The following HYDIN variants were observed in gnomAD, a reference collection of about 807,000 sequenced individuals.
The protein encoded by HYDIN is HYDIN axonemal central pair apparatus protein, also known as axonemal central pair apparatus protein HYDIN.
In HYDIN, 132 loss-of-function variants were observed where a neutral mutation model predicts 403.9. The observed-to-expected ratio is 0.33, with a 90% CI of 0.28 to 0.38. The LOEUF is 0.38. Ranked by LOEUF, HYDIN falls within the 10% of genes least tolerant of loss-of-function variation. HYDIN has a pLI of 1.00. For missense variants in HYDIN, 2,827 were observed against 5,009.5 expected (o/e 0.56, Z 13.15); for synonymous variants, 1,202 against 1,891.7 (o/e 0.64, Z 9.46).
intron 84 of HYDIN, among the ~76,000 whole-genome samples, chr16:70,816,189 AC>A (rs1183096734): frequency 2.0e-5 from 3 of 152,294 alleles, no homozygotes; most frequent in African/African-American, 7.2e-5. Flanking sequence ...AAACCACCCC[AC>A]AAAACCACAC....
At chr16:70,951,312 A>T (rs1268387571) in intron 41 of HYDIN, among the ~76,000 whole-genome samples, 2 of 151,344 alleles carry the variant, frequency 1.3e-5, no homozygotes, top group Non-Finnish European at 2.9e-5. Context: ...GAGAAACTTC[A>T]CAACTATGAA....
chr16:70,883,003 A>G, intron 59 of HYDIN, 108 bp from the exon 60 acceptor site: 3 of 878,324 alleles, frequency 3.4e-6, no homozygotes, highest in South Asian at 3.0e-5. Context: ...TGTGGAGGAC[A>G]CATAGGCGAA....
chr16:71,161,119 G>C (rs976093124), intron 6 of HYDIN, among the ~76,000 whole-genome samples: 3 of 139,088 alleles, frequency 2.2e-5, no homozygotes, highest in African/African-American at 8.2e-5. Context: ...CCCTGAGCTT[G>C]TTTTCCTGCA....
At chr16:71,219,034 T>C (rs746740398) in intron 1 of HYDIN, among the ~76,000 whole-genome samples, 4 of 152,228 alleles carry the variant, frequency 2.6e-5, no homozygotes, top group African/African-American at 4.8e-5. Flanking sequence ...TTTTCAGACA[T>C]CAATAAAAAT....
rs1290529895 is a variant in HYDIN at position 70,855,226 on chromosome 16, C to T, written c.12345G>A (p.Gly4115=). 1.3e-6 allele frequency: 2 copies of T among 1,569,428 alleles called. No homozygotes were observed. The highest frequency in any genetic ancestry group is 1.7e-6 in the Non-Finnish European group (2 of 1,163,118). The part of the protein sequence containing the change: ...TVQIINKEEQ[G]FDFSFQDNSR... ...AGTTGTCCTGGAAGGAAAAATCGAA[C>T]CCCTGCTCCTCCTTGTTAATGATCT... Residue 4115 remains glycine (G), a synonymous_variant, in exon 73 of 86, where the codon GGG becomes GGA. Coordinates refer to ENST00000393567, the MANE Select transcript of HYDIN (RefSeq NM_001270974.2).
At chr16:71,115,376 A>C (rs1253340688) in intron 10 of HYDIN, among the ~76,000 whole-genome samples, 1 of 152,196 alleles carries the variant, frequency 6.6e-6, no homozygotes, top group Non-Finnish European at 1.5e-5. Flanking sequence ...CTGATCTGTG[A>C]GTCAATTAAA....
chr16:71,176,845 A>G (rs530965228), intron 4 of HYDIN, among the ~76,000 whole-genome samples: 3 of 152,346 alleles, frequency 2.0e-5, no homozygotes, highest in Admixed American at 1.3e-4. Flanking sequence ...ACGGAGACAC[A>G]AAAGTAATAA....
intron 1 of HYDIN, among the ~76,000 whole-genome samples, chr16:71,200,504 G>C (rs1184401613): frequency 6.6e-6 from 1 of 152,158 alleles, no homozygotes; most frequent in African/African-American, 2.4e-5. Flanking sequence ...TACAGCTGAA[G>C]TCTTGCCATC....
rs186112238 is a variant in HYDIN at position 71,065,612 on chromosome 16, A to G, written c.2076-772T>C. On this transcript the variant is annotated intron_variant, in intron 15 of 85. Transcript: ENST00000393567. ...GCCAGCTTCAAAGACTGACCTTACT[A>G]AGTACAACCTGTGTAACCTTGGGCA... Among the ~76,000 whole-genome samples, 391 of 152,300 alleles carry G rather than the reference A, an allele frequency of 2.6e-3. 1 individual carries two copies. The highest frequency in any genetic ancestry group is 3.9e-3 in the Non-Finnish European group (263 of 68,034).
At chr16:71,122,602 A>G (rs2084301008) in intron 9 of HYDIN, among the ~76,000 whole-genome samples, 1 of 76,868 alleles carries the variant, frequency 1.3e-5, no homozygotes, top group South Asian at 6.4e-4. Context: ...CTGGACTTCC[A>G]CCCAACCTGG....
At chr16:71,201,779 C>T (rs566680971) in intron 1 of HYDIN, among the ~76,000 whole-genome samples, 32 of 152,184 alleles carry the variant, frequency 2.1e-4, no homozygotes, top group Non-Finnish European at 4.3e-4. Context: ...TTAGATCCAG[C>T]CACGAACTTC....
At chr16:70,899,189 G>A (rs2076291064) in intron 53 of HYDIN, among the ~76,000 whole-genome samples, 1 of 152,168 alleles carries the variant, frequency 6.6e-6, no homozygotes, top group African/African-American at 2.4e-5. Flanking sequence ...TTGAACTGTG[G>A]TCCCCCAAAA....
intron 75 of HYDIN, among the ~76,000 whole-genome samples, chr16:70,848,955 C>T (rs1376811384): frequency 6.7e-6 from 1 of 150,296 alleles, no homozygotes; most frequent in Non-Finnish European, 1.5e-5. Context: ...CCTCAGTCAG[C>T]TGCAGTGTTA....
intron 10 of HYDIN, among the ~76,000 whole-genome samples, chr16:71,107,814 T>C (rs2083672548): frequency 6.6e-6 from 1 of 152,190 alleles, no homozygotes; most frequent in African/African-American, 2.4e-5. Flanking sequence ...AGCAATACCA[T>C]TACTGGGTAT....
chr16:71,193,425 C>A (rs1559420), intron 1 of HYDIN, among the ~76,000 whole-genome samples: 54,282 of 151,928 alleles, frequency 0.36, 10,153 homozygotes, highest in East Asian at 0.57. Flanking sequence ...AAAAGTTAGA[C>A]AAATATATTC....
chr16:70,926,359 G>C (rs991820076), intron 45 of HYDIN, among the ~76,000 whole-genome samples: 9 of 151,656 alleles, frequency 5.9e-5, no homozygotes, highest in African/African-American at 2.2e-4. Context: ...ACTATTGCAA[G>C]GACAAAAAAC....
intron 7 of HYDIN, among the ~76,000 whole-genome samples, chr16:71,140,840 T>C (rs1174548706): frequency 1.3e-5 from 2 of 151,738 alleles, no homozygotes; most frequent in African/African-American, 2.4e-5. Context: ...TGAATAACAA[T>C]GTAAAATTTC....
At chr16:71,218,460 T>C (rs1227544630) in intron 1 of HYDIN, among the ~76,000 whole-genome samples, 2 of 152,222 alleles carry the variant, frequency 1.3e-5, no homozygotes, top group Non-Finnish European at 2.9e-5. Flanking sequence ...TTTAATTGTA[T>C]ACTGGGGAGG....
intron 39 of HYDIN, among the ~76,000 whole-genome samples, chr16:70,958,013 AT>A (rs1192480860): frequency 2.2e-5 from 3 of 136,250 alleles, no homozygotes; most frequent in Admixed American, 7.7e-5. Context: ...AATGTCTGGG[AT>A]TTTTTTCTCT....
Sources: allele counts gnomAD v4.1 joint callset (sites outside exome capture counted in the v4.1 genomes callset), GRCh38; gene constraint gnomAD v4.1.1; transcripts MANE v1.5; gene names NCBI Gene and HGNC (gene_info 2026-07-23, HGNC 2026-07-21).